The following ATF7IP variants were observed in gnomAD, a reference collection of about 807,000 sequenced individuals.
The protein encoded by ATF7IP is activating transcription factor 7 interacting protein.
In ATF7IP, 23 loss-of-function variants were observed where a neutral mutation model predicts 106.4. The observed-to-expected ratio is 0.22, with a 90% CI of 0.16 to 0.31. The LOEUF (loss-of-function observed/expected upper bound fraction) is 0.31. Ranked by LOEUF, ATF7IP falls within the 10% of genes least tolerant of loss-of-function variation. The pLI is 1.00. For missense variants in ATF7IP, 1,334 were observed against 1,524.3 expected (o/e 0.88, Z 2.08); for synonymous variants, 542 against 539.0 (o/e 1.01, Z -0.08).
rs182427113 is a variant in ATF7IP, at chr12:14,417,500, A to G, written c.-7-6409A>G. ...TTGTCTGGATTTAAGGTTTTGCTAG[A>G]TTTATATATTTTATATGTATGGTCT... is the stretch of plus-strand genomic sequence containing the variant. On this transcript the variant is annotated intron_variant, in intron 1 of 14. Transcript: ENST00000261168. Among the ~76,000 whole-genome samples, 635 of 152,192 alleles carry G rather than the reference A, an allele frequency of 4.2e-3. 3 individuals are homozygous for G. The highest frequency in any genetic ancestry group is 5.5e-3 in the Non-Finnish European group (376 of 68,002).
intron 10 of ATF7IP, among the ~76,000 whole-genome samples, chr12:14,474,592 G>T (rs1272777462): frequency 6.6e-6 from 1 of 151,554 alleles, no homozygotes; most frequent in African/African-American, 2.4e-5. Flanking sequence ...GTAGAGATGG[G>T]GTTTCACTAT....
At chr12:14,442,953 G>A (rs901341827) in intron 5 of ATF7IP, among the ~76,000 whole-genome samples, 15 of 152,058 alleles carry the variant, frequency 9.9e-5, no homozygotes, top group African/African-American at 3.4e-4. Flanking sequence ...TCAGGAGTTC[G>A]AGACCAGCCT....
At chr12:14,454,275 T>C (rs1943335663) in intron 6 of ATF7IP, among the ~76,000 whole-genome samples, 1 of 152,174 alleles carries the variant, frequency 6.6e-6, no homozygotes, top group African/African-American at 2.4e-5. Context: ...GTCTTTGCTA[T>C]AGCAGCCTCT....
chr12:14,481,678 CTTTA>C (rs1225966497), intron 13 of ATF7IP: 1 of 426,312 alleles, frequency 2.3e-6, no homozygotes, highest in Admixed American at 2.7e-5. Context: ...TTTAATTTAA[CTTTA>C]TTTATGGCCT....
At chr12:14,430,577 G>T (rs1402437872) in intron 2 of ATF7IP, among the ~76,000 whole-genome samples, 5 of 152,162 alleles carry the variant, frequency 3.3e-5, no homozygotes, top group African/African-American at 1.2e-4. Flanking sequence ...GTTAGGTTGA[G>T]AATCTTTATA....
intron 1 of ATF7IP, among the ~76,000 whole-genome samples, chr12:14,402,002 GC>G (rs1404769320): frequency 6.6e-6 from 1 of 151,510 alleles, no homozygotes; most frequent in African/African-American, 2.4e-5. Flanking sequence ...GTGAGCCACC[GC>G]GCCTGGCCTC....
chr12:14,461,012 G>A lies in ATF7IP; in HGVS notation c.2676G>A (p.Val892=). The change falls in exon 9 of 15, where the codon GTG becomes GTA. Residue 892 remains valine (V), a synonymous_variant. Transcript: ENST00000261168. ...CCACAAGGACTTCTTTACCCACAGT[G>A]GGCCCATCAGGACTCTATAGTCCAT... ...VQATRTSLPT[V]GPSGLYSPST... is the part of the protein sequence containing the mutation. 6.2e-7 allele frequency: 1 copy of A among 1,614,094 alleles called. No individual in the cohort carries two copies. Among genetic ancestry groups the A allele is most frequent in the Non-Finnish European group, 8.5e-7 (1 of 1,180,026 alleles).
At position 14,436,160 on chromosome 12, in the gene ATF7IP, C is replaced by G. The variant is rs763712174; in HGVS notation, c.1700C>G (p.Ser567Cys). 6.2e-7 allele frequency: 1 copy of G among 1,613,658 alleles called. No homozygotes were observed. Among genetic ancestry groups the G allele is most frequent in the Non-Finnish European group, 8.5e-7 (1 of 1,179,784 alleles). The change falls in exon 4 of 15, where the codon TCT (serine) becomes TGT (cysteine). Residue 567 changes from serine to cysteine, a missense_variant. Ser to Cys is a moderately radical substitution (Grantham distance 112, BLOSUM62 -1). Transcript: ENST00000261168. ...TCAGAAGACATGGACAATGTACAGTCTAAACGTCGTCGATATATGGAAGAA... is the reference window on the plus strand; with the variant it reads ...TCAGAAGACATGGACAATGTACAGTGTAAACGTCGTCGATATATGGAAGAA... Reference protein sequence around the residue: ...SKSEDMDNVQSKRRRYMEEEY... With the variant: ...SKSEDMDNVQCKRRRYMEEEY...
At chr12:14,490,283 T>C (rs1448697730) in intron 13 of ATF7IP, among the ~76,000 whole-genome samples, 3 of 152,220 alleles carry the variant, frequency 2.0e-5, no homozygotes, top group Admixed American at 6.5e-5. Flanking sequence ...AGGTTACCCA[T>C]TGGTGAGCAT....
At chr12:14,394,007 G>A (rs1421578926) in intron 1 of ATF7IP, among the ~76,000 whole-genome samples, 3 of 152,130 alleles carry the variant, frequency 2.0e-5, no homozygotes, top group Non-Finnish European at 4.4e-5. Context: ...GTAATTTAAT[G>A]TGCCTAGGTT....
intron 4 of ATF7IP, among the ~76,000 whole-genome samples, chr12:14,436,527 A>T (rs1352338856): frequency 6.6e-6 from 1 of 152,156 alleles, no homozygotes; most frequent in Non-Finnish European, 1.5e-5. Flanking sequence ...CTCTGACTCT[A>T]CTAAAAATAC....
At chr12:14,369,695 TAAAA>T (rs1175095829) in intron 1 of ATF7IP, among the ~76,000 whole-genome samples, 1 of 152,066 alleles carries the variant, frequency 6.6e-6, no homozygotes, top group African/African-American at 2.4e-5. Context: ...TTAATAAACT[TAAAA>T]AATACTTTTA....
intron 2 of ATF7IP, among the ~76,000 whole-genome samples, chr12:14,426,723 G>A (rs976272430): frequency 6.7e-6 from 1 of 149,812 alleles, no homozygotes; most frequent in African/African-American, 2.5e-5. Context: ...GTACTTGAGG[G>A]CCTGAGGTAG....
chr12:14,449,819 A>G (rs1043729882), intron 6 of ATF7IP, among the ~76,000 whole-genome samples: 11 of 151,818 alleles, frequency 7.2e-5, no homozygotes, highest in Non-Finnish European at 1.6e-4. Context: ...AGACTTCCCA[A>G]TCCATAAACA....
intron 1 of ATF7IP, among the ~76,000 whole-genome samples, chr12:14,387,070 C>T (rs141422658): frequency 8.2e-4 from 125 of 152,182 alleles, no homozygotes; most frequent in African/African-American, 2.9e-3. Flanking sequence ...ATCTCAGTTT[C>T]ATCAACAGCT....
At chr12:14,447,805 T>A (rs1197058488) in intron 6 of ATF7IP, among the ~76,000 whole-genome samples, 1 of 152,198 alleles carries the variant, frequency 6.6e-6, no homozygotes, top group African/African-American at 2.4e-5. Context: ...GCTTTAATTG[T>A]AATATACAGA....
intron 2 of ATF7IP, among the ~76,000 whole-genome samples, chr12:14,425,976 A>AT (rs1941824447): frequency 6.6e-6 from 1 of 152,154 alleles, no homozygotes; most frequent in Non-Finnish European, 1.5e-5. Context: ...TTAAAGCTTG[A>AT]TTATCCATTT....
At chr12:14,400,959 C>T (rs1000777235) in intron 1 of ATF7IP, among the ~76,000 whole-genome samples, 15 of 151,890 alleles carry the variant, frequency 9.9e-5, no homozygotes, top group Admixed American at 7.2e-4. Flanking sequence ...TTTTTTCCAA[C>T]TGTTTGTCCT....
intron 13 of ATF7IP, among the ~76,000 whole-genome samples, chr12:14,485,813 G>C (rs1373082257): frequency 1.3e-5 from 2 of 152,166 alleles, no homozygotes; most frequent in African/African-American, 4.8e-5. Context: ...TGCAATTAGA[G>C]TCACCACTTG....
Sources: allele counts gnomAD v4.1 joint callset (sites outside exome capture counted in the v4.1 genomes callset), GRCh38; gene constraint gnomAD v4.1.1; transcripts MANE v1.5; gene names NCBI Gene and HGNC (gene_info 2026-07-23, HGNC 2026-07-21).